SAMD5: variants seen among roughly 807,000 people sequenced by gnomAD.
The protein encoded by SAMD5 is sterile alpha motif domain containing 5.
SAMD5 carries 13 observed loss-of-function variants against 11.3 expected under a neutral mutation model. The ratio of observed to expected loss-of-function variants is 1.15; its 90% CI spans 0.75 to 1.83. The LOEUF (loss-of-function observed/expected upper bound fraction) is 1.83, where lower values mean the gene tolerates loss of function less well. SAMD5 is among the 40% of genes most tolerant of loss of function. The pLI is 0.00. For synonymous variants in SAMD5, 129 were observed against 111.3 expected, an observed-to-expected ratio of 1.16 and a Z score of -1.00; for missense variants, 255 against 239.1, an observed-to-expected ratio of 1.07 and a Z score of -0.44.
At chr6:147,946,257 C>T in the SAMD5 span, among the ~76,000 whole-genome samples, 1 of 152,164 alleles carries the variant, frequency 6.6e-6, no homozygotes. Flanking sequence ...TATCCCTCTA[C>T]CATCTTGATG....
chr6:147,671,128 A>G lies in SAMD5; in HGVS notation c.163-66189A>G, dbSNP rs902779511. Among the ~76,000 whole-genome samples the G allele has an allele frequency of 3.3e-5, 5 of 152,364 alleles. 1 individual carries two copies. The South Asian group carries it at 1.0e-3, about 32-fold the overall frequency. Reference sequence around the variant, plus strand: ...AGGGCAAGAGGGACAGAAGAATGGCAGGTCAGTGGAGCAGTCAGAACACAT... The same window carrying G: ...AGGGCAAGAGGGACAGAAGAATGGCGGGTCAGTGGAGCAGTCAGAACACAT... On this transcript the variant is annotated intron_variant, in intron 1 of 1. Coordinates refer to the SAMD5 transcript ENST00000566741.
chr6:147,628,019 G>C (rs751286458), intron 1 of SAMD5, among the ~76,000 whole-genome samples: 2 of 152,144 alleles, frequency 1.3e-5, no homozygotes, highest in Admixed American at 6.5e-5. Flanking sequence ...TGAATGAAAG[G>C]CCTGGTAAAT....
intron 1 of SAMD5, among the ~76,000 whole-genome samples, chr6:147,679,892 C>T (rs1790917132): frequency 6.6e-6 from 1 of 151,576 alleles, no homozygotes. Context: ...ATATTTAAAC[C>T]CTTTTCAAAA....
At chr6:147,821,041 G>A in the SAMD5 span, among the ~76,000 whole-genome samples, 2 of 152,162 alleles carry the variant, frequency 1.3e-5, no homozygotes, top group African/African-American at 4.8e-5. Flanking sequence ...TCCACCTTGT[G>A]CATGTAACTG....
At chr6:147,845,546 T>TA in the SAMD5 span, among the ~76,000 whole-genome samples, 1 of 151,998 alleles carries the variant, frequency 6.6e-6, no homozygotes, top group Non-Finnish European at 1.5e-5. Context: ...TCAACAATTT[T>TA]AAAAAACAAT....
chr6:147,773,606 C>T, the SAMD5 span, among the ~76,000 whole-genome samples: 2 of 152,304 alleles, frequency 1.3e-5, no homozygotes, highest in African/African-American at 4.8e-5. Flanking sequence ...TGTGTCCTCA[C>T]CTGGTGCAGA....
At chr6:147,582,136 A>T (rs980780845) in intron 1 of SAMD5, among the ~76,000 whole-genome samples, 10 of 89,176 alleles carry the variant, frequency 1.1e-4, no homozygotes, top group African/African-American at 3.9e-4. Context: ...AGGTGGGTGG[A>T]TCATCTGAGG....
intron 1 of SAMD5, among the ~76,000 whole-genome samples, chr6:147,619,711 A>G (rs1281791241): frequency 6.6e-6 from 1 of 152,216 alleles, no homozygotes; most frequent in Non-Finnish European, 1.5e-5. Flanking sequence ...ATCAGGGCCT[A>G]CAGATAACTG....
chr6:147,816,302 ATATATATATAT>A, the SAMD5 span, among the ~76,000 whole-genome samples: 1 of 43,222 alleles, frequency 2.3e-5, no homozygotes, highest in Non-Finnish European at 3.6e-5. Context: ...AAAAAAAAAA[ATATATATATAT>A]ATATATATAT....
the SAMD5 span, among the ~76,000 whole-genome samples, chr6:147,753,326 CACAG>C: frequency 6.6e-6 from 1 of 152,190 alleles, no homozygotes; most frequent in African/African-American, 2.4e-5. Context: ...ACACCACACA[CACAG>C]ACGCCCCTAC....
intron 1 of SAMD5, among the ~76,000 whole-genome samples, chr6:147,548,607 T>A (rs1788721257): frequency 6.6e-6 from 1 of 152,222 alleles, no homozygotes; most frequent in Non-Finnish European, 1.5e-5. Flanking sequence ...AGTAGAGGAA[T>A]TAGATGATTT....
At chr6:147,818,847 T>A in the SAMD5 span, among the ~76,000 whole-genome samples, 1 of 152,184 alleles carries the variant, frequency 6.6e-6, no homozygotes, top group Admixed American at 6.5e-5. Context: ...CAGTCCTACA[T>A]GGTTAATTTT....
Position 147,566,659 on chromosome 6 carries a change from G to T in SAMD5, c.*2203G>T. Reference sequence around the variant, plus strand: ...AACCTTCTCTCTGTGTCTGTGGTTAGAATTTGAAAATAACAATGCTCTGCT... The same window carrying T: ...AACCTTCTCTCTGTGTCTGTGGTTATAATTTGAAAATAACAATGCTCTGCT... On this transcript the variant is annotated 3_prime_UTR_variant, in exon 2 of 2. Transcript: ENST00000367474. 1 of 983,122 alleles carries T rather than the reference G, an allele frequency of 1.0e-6. No individual in the cohort carries two copies. Among genetic ancestry groups the T allele is most frequent in the South Asian group, 4.7e-5 (1 of 21,244 alleles). The allele number at this position is 983,122 out of a possible 1,614,324, so 60.9% of individuals were successfully genotyped here.
At chr6:147,898,581 G>A in the SAMD5 span, among the ~76,000 whole-genome samples, 1 of 152,008 alleles carries the variant, frequency 6.6e-6, no homozygotes, top group Non-Finnish European at 1.5e-5. Context: ...TATAGCTAAT[G>A]GTTTGCTTTT....
At chr6:147,529,712 T>C (rs1788398552) in intron 1 of SAMD5, among the ~76,000 whole-genome samples, 1 of 152,238 alleles carries the variant, frequency 6.6e-6, no homozygotes, top group Admixed American at 6.5e-5. Flanking sequence ...AAGTAAAGCA[T>C]TTCATTTTAT....
At chr6:147,751,696 A>G in the SAMD5 span, among the ~76,000 whole-genome samples, 5 of 152,210 alleles carry the variant, frequency 3.3e-5, no homozygotes, top group Admixed American at 2.6e-4. Flanking sequence ...GATGACACTA[A>G]TCACACGATT....
chr6:147,814,134 G>A, the SAMD5 span, among the ~76,000 whole-genome samples: 1 of 152,070 alleles, frequency 6.6e-6, no homozygotes, highest in South Asian at 2.1e-4. Context: ...GCCTACATAG[G>A]CATAGGATCC....
the SAMD5 span, among the ~76,000 whole-genome samples, chr6:147,915,671 A>G: frequency 6.6e-6 from 1 of 152,240 alleles, no homozygotes; most frequent in Non-Finnish European, 1.5e-5. Flanking sequence ...TTATCGTTAC[A>G]TCAACTGCTT....
chr6:147,907,234 C>T, the SAMD5 span, among the ~76,000 whole-genome samples: 1 of 152,154 alleles, frequency 6.6e-6, no homozygotes, highest in African/African-American at 2.4e-5. Flanking sequence ...TTGGCTCATG[C>T]GGTGGCTCAC....
Sources: gnomAD v4.1 joint callset for allele counts (sites outside exome capture counted in the v4.1 genomes callset) on GRCh38, gnomAD v4.1.1 for gene constraint, MANE v1.5 for transcripts, NCBI Gene and HGNC (gene_info 2026-07-23, HGNC 2026-07-21) for gene names.